The following UGT1A5 variants were observed in gnomAD, a reference collection of about 807,000 sequenced individuals.
The protein encoded by UGT1A5 is UDP glucuronosyltransferase family 1 member A5, also known as UDP-glucuronosyltransferase 1A5.
In UGT1A5, 29 loss-of-function variants were observed where a neutral mutation model predicts 40.3. The observed-to-expected ratio is 0.72, with a 90% confidence interval of 0.54 to 0.98. The LOEUF (loss-of-function observed/expected upper bound fraction) is 0.98, where lower values mean the gene tolerates loss of function less well. UGT1A5 is among the 50% of genes least tolerant of loss of function. The pLI, the probability that UGT1A5 is intolerant of heterozygous loss-of-function variation, is 0.00. For missense variants in UGT1A5, 678 were observed against 677.9 expected, an observed-to-expected ratio of 1.00 and a Z score of 0.00; for synonymous variants, 257 against 262.5, an observed-to-expected ratio of 0.98 and a Z score of 0.20.
At position 233,767,903 on chromosome 2, in the gene UGT1A5, C is replaced by G. The variant is rs549391527; in HGVS notation, c.1054C>G (p.Leu352Val). 1.2e-6 allele frequency: 2 copies of G among 1,614,060 alleles called. No homozygotes were observed. Among genetic ancestry groups the G allele is most frequent in the African/African-American group, 1.3e-5 (1 of 74,904 alleles). ...RPSNLANNTILVKWLPQNDLL... is the reference protein window; with the variant it reads ...RPSNLANNTIVVKWLPQNDLL... ...ATCGAATCTTGCGAACAACACGATA[C>G]TTGTTAAGTGGCTACCCCAAAACGA... The change falls in exon 3 of 5, where the codon CTT becomes GTT. Residue 352 changes from leucine to valine, a missense_variant. By Grantham distance (32) the Leu-to-Val change is conservative. Coordinates refer to ENST00000373414, the MANE Select transcript of UGT1A5 (RefSeq NM_019078.2).
At chr2:233,770,801 A>C (rs1025526475) in intron 4 of UGT1A5, 2 of 152,250 alleles carry the variant, frequency 1.3e-5, no homozygotes, top group African/African-American at 4.8e-5. Flanking sequence ...ATATGTTTAA[A>C]GACAGTGTAT....
intron 1 of UGT1A5, among the ~76,000 whole-genome samples, chr2:233,745,740 G>A (rs1693195294): frequency 6.6e-6 from 1 of 150,538 alleles, no homozygotes; most frequent in Admixed American, 6.6e-5. Context: ...GGCAGAGGGA[G>A]GGGGCAAGCA....
intron 1 of UGT1A5, among the ~76,000 whole-genome samples, chr2:233,738,047 C>A (rs1690670574): frequency 6.6e-6 from 1 of 152,068 alleles, no homozygotes; most frequent in Admixed American, 6.6e-5. Flanking sequence ...GTGTTGAGGA[C>A]AGGACATGGT....
chr2:233,748,792 C>G (rs1168235446), intron 1 of UGT1A5, among the ~76,000 whole-genome samples: 1 of 151,266 alleles, frequency 6.6e-6, no homozygotes, highest in Non-Finnish European at 1.5e-5. Context: ...ACTTGGAATG[C>G]TGAAATTATC....
rs926387515 is a variant in UGT1A5 at position 233,772,265 on chromosome 2, C to T, written c.1311C>T (p.Tyr437=). ...ACGAAACTGTCTTTGTGTTTAGTTA[C>T]AAGGAGAACATCATGCGCCTCTCCA... ...ALKAVINDKS[Y]KENIMRLSSL... The change falls in exon 5 of 5, where the codon TAC becomes TAT. Residue 437 remains tyrosine, a synonymous_variant. Coordinates refer to ENST00000373414, the MANE Select transcript of UGT1A5 (RefSeq NM_019078.2). 4 of 1,614,232 alleles carry T rather than the reference C, an allele frequency of 2.5e-6. No homozygotes were observed. The Admixed American group carries it at 6.7e-5, about 27-fold the overall frequency.
intron 1 of UGT1A5, chr2:233,729,354 C>A (rs767130471): frequency 2.5e-6 from 4 of 1,614,190 alleles, no homozygotes; most frequent in Non-Finnish European, 2.5e-6. Context: ...ACTTTTTCAC[C>A]CTGACAACCT....
chr2:233,762,622 T>C (rs772893097), intron 1 of UGT1A5, among the ~76,000 whole-genome samples: 2 of 152,196 alleles, frequency 1.3e-5, no homozygotes, highest in African/African-American at 4.8e-5. Context: ...TGTTGTGACC[T>C]CAAACACTTC....
At chr2:233,743,412 T>G in intron 1 of UGT1A5, 4 of 1,321,888 alleles carry the variant, frequency 3.0e-6, no homozygotes, top group Non-Finnish European at 3.0e-6. Flanking sequence ...GGCCCCCACT[T>G]CCCAGGGAGC....
At chr2:233,760,016 C>G (rs1456599640) in intron 1 of UGT1A5, among the ~76,000 whole-genome samples, 1 of 152,148 alleles carries the variant, frequency 6.6e-6, no homozygotes, top group African/African-American at 2.4e-5. Flanking sequence ...TTTAATGGAT[C>G]CTGAGGTTCT....
In UGT1A5 at chr2:233,769,481, G is replaced by A. The variant is rs35791110; in HGVS notation, c.1307+1042G>A. ...TTCATATGCGTGTGTGTGTGTGTGC[G>A]TGTGTTTATGAGAGTGTCCATTGCT... On this transcript the variant is annotated intron_variant, in intron 4 of 4. Coordinates refer to ENST00000373414, the MANE Select transcript of UGT1A5 (RefSeq NM_019078.2). This position sits in a 1 kb window ranked among gnomAD's most constrained non-coding sequence, Gnocchi z 4.4. 5.5e-4 allele frequency: 893 copies of A among 1,612,192 alleles called. 4 individuals are homozygous for A. The African/African-American group carries it at 9.9e-3, about 18-fold the overall frequency.
chr2:233,762,966 C>T (rs947524337), intron 1 of UGT1A5, among the ~76,000 whole-genome samples: 7 of 152,068 alleles, frequency 4.6e-5, no homozygotes, highest in African/African-American at 1.2e-4. Context: ...GAAAGATGCC[C>T]GTCTTGCTGC....
In UGT1A5 at chr2:233,757,558, ATATG is replaced by A. The variant is rs1023713263; in HGVS notation, c.868-9472_868-9469del. Among the ~76,000 whole-genome samples, 45 of 124,442 alleles carry A rather than the reference ATATG, an allele frequency of 3.6e-4. 2 individuals are homozygous for A. The highest frequency in any genetic ancestry group is 1.4e-3 in the African/African-American group (42 of 30,270). 81.6% of individuals were successfully genotyped at this position (124,442 alleles called of 152,430 possible). On this transcript the variant is annotated intron_variant, in intron 1 of 4. Coordinates refer to ENST00000373414, the MANE Select transcript of UGT1A5 (RefSeq NM_019078.2). ...GGAATATATATATATATATATATAT[ATATG>A]TATATATGATATAGCTATAGTCTAA...
chr2:233,746,471 A>T (rs538596800), intron 1 of UGT1A5, among the ~76,000 whole-genome samples: 1 of 151,696 alleles, frequency 6.6e-6, no homozygotes, highest in Non-Finnish European at 1.5e-5. Flanking sequence ...GGGTTCCAGA[A>T]ACACTTTCCA....
Position 233,733,630 on chromosome 2 carries a change from C to A in UGT1A5, c.867+19772C>A, listed in dbSNP as rs2078422347. 1.3e-5 allele frequency among the ~76,000 whole-genome samples: 2 copies of A among 152,174 alleles called. 1 individual carries two copies. The highest frequency in any genetic ancestry group is 4.2e-4 in the South Asian group (2 of 4,816). On this transcript the variant is annotated intron_variant, in intron 1 of 4. Transcript: ENST00000373414. ...CATTTATTGATTTGCATATGTTGAA[C>A]CAGCCTTGCATCCCAAGGATGAAGC...
Position 233,768,325 on chromosome 2 carries a change from A to G in UGT1A5, c.1193A>G (p.Gln398Arg). 2.5e-6 allele frequency: 4 copies of G among 1,614,222 alleles called. No homozygotes were observed. The highest frequency in any genetic ancestry group is 3.4e-6 in the Non-Finnish European group (4 of 1,180,032). ...PMVMMPLFGDQMDNAKRMETK... is the reference protein window; with the variant it reads ...PMVMMPLFGDRMDNAKRMETK... ...GTGATGATGCCCTTGTTTGGTGATCAGATGGACAATGCAAAGCGCATGGAG... is the reference window on the plus strand; with the variant it reads ...GTGATGATGCCCTTGTTTGGTGATCGGATGGACAATGCAAAGCGCATGGAG... The change falls in exon 4 of 5, where the codon CAG becomes CGG. Residue 398 changes from glutamine (Q) to arginine (R), a missense_variant. Physicochemically the swap from Gln to Arg is conservative, Grantham distance 43 (BLOSUM62 1). Coordinates refer to ENST00000373414, the MANE Select transcript of UGT1A5 (RefSeq NM_019078.2).
intron 1 of UGT1A5, chr2:233,754,969 T>C: frequency 7.7e-7 from 1 of 1,302,646 alleles, no homozygotes; most frequent in African/African-American, 1.5e-5. Flanking sequence ...AAGAACTCCC[T>C]GAAGACCTCG....
intron 1 of UGT1A5, among the ~76,000 whole-genome samples, chr2:233,724,945 C>G (rs1463938035): frequency 1.4e-5 from 2 of 144,514 alleles, no homozygotes; most frequent in African/African-American, 5.3e-5. Context: ...GTCTGCAATC[C>G]CGGCACCTCG....
At chr2:233,743,759 T>C in intron 1 of UGT1A5, 7 of 1,367,366 alleles carry the variant, frequency 5.1e-6, no homozygotes, top group South Asian at 4.5e-5. Flanking sequence ...CAACACCTCG[T>C]AGGCCTCGGC....
intron 1 of UGT1A5, among the ~76,000 whole-genome samples, chr2:233,718,367 A>G (rs896137284): frequency 2.0e-5 from 3 of 152,244 alleles, no homozygotes; most frequent in South Asian, 2.1e-4. Flanking sequence ...TTATTCACAT[A>G]TGAGAAGAAA....
Sources: gnomAD v4.1 joint callset for allele counts (sites outside exome capture counted in the v4.1 genomes callset) on GRCh38, gnomAD v4.1.1 for gene constraint, Gnocchi (gnomAD v3.1) non-coding constraint, MANE v1.5 for transcripts, NCBI Gene and HGNC (gene_info 2026-07-23, HGNC 2026-07-21) for gene names.